Variants in ARHGEF4 observed in about 807,000 individuals in gnomAD.
ARHGEF4 encodes the protein APC-stimulated guanine nucleotide exchange factor 1.
A neutral mutation model predicts 162.0 loss-of-function variants in ARHGEF4; 119 were observed. The ratio of observed to expected loss-of-function variants is 0.73; its 90% confidence interval spans 0.63 to 0.86. The LOEUF is 0.86. ARHGEF4 is among the 40% of genes least tolerant of loss of function. The probability of loss-of-function intolerance (pLI) is 0.00; values close to 1 mark genes in which losing one functional copy is unlikely to be tolerated. For synonymous variants in ARHGEF4, 1,014 were observed against 979.9 expected (o/e 1.03, Z -0.65); for missense variants, 2,488 against 2,456.0 (o/e 1.01, Z -0.28).
chr2:130,923,516 A>G (rs185071781), intron 2 of ARHGEF4, among the ~76,000 whole-genome samples: 12 of 152,290 alleles, frequency 7.9e-5, no homozygotes, highest in African/African-American at 2.9e-4. Flanking sequence ...AAGTCGATAA[A>G]CTGAGCTCGC....
At chr2:130,900,199 T>G (rs1680405350) in intron 1 of ARHGEF4, among the ~76,000 whole-genome samples, 1 of 152,240 alleles carries the variant, frequency 6.6e-6, no homozygotes, top group Non-Finnish European at 1.5e-5. Flanking sequence ...TCTGCTGATG[T>G]TGAGTGGGCT....
At chr2:130,994,725 T>C (rs1446114243) in intron 4 of ARHGEF4, among the ~76,000 whole-genome samples, 1 of 152,232 alleles carries the variant, frequency 6.6e-6, no homozygotes, top group Non-Finnish European at 1.5e-5. Flanking sequence ...AGGAGATTGA[T>C]TCTTTCTGGA....
At chr2:130,855,235 A>G (rs1478029289) in intron 1 of ARHGEF4, among the ~76,000 whole-genome samples, 1 of 152,066 alleles carries the variant, frequency 6.6e-6, no homozygotes, top group Non-Finnish European at 1.5e-5. Context: ...GGTACTGCCA[A>G]AAACAGTGCA....
At chr2:131,018,572 T>G (rs929229012) in intron 4 of ARHGEF4, among the ~76,000 whole-genome samples, 2 of 152,234 alleles carry the variant, frequency 1.3e-5, no homozygotes, top group African/African-American at 4.8e-5. Flanking sequence ...CTTGATACTG[T>G]CCTTTAATGC....
At chr2:131,023,074 CA>C (rs56868632) in intron 4 of ARHGEF4, among the ~76,000 whole-genome samples, 2,170 of 66,526 alleles carry the variant, frequency 0.033, 80 homozygotes, top group African/African-American at 0.11. Context: ...AACCCTGTCT[CA>C]AAAAAAAAAA....
intron 1 of ARHGEF4, among the ~76,000 whole-genome samples, chr2:130,894,193 A>G (rs1680022737): frequency 6.6e-6 from 1 of 152,198 alleles, no homozygotes; most frequent in South Asian, 2.1e-4. Context: ...GACCTTAACT[A>G]AGTTTTCACT....
At chr2:130,978,061 G>T (rs1235728555) in intron 4 of ARHGEF4, among the ~76,000 whole-genome samples, 1 of 152,204 alleles carries the variant, frequency 6.6e-6, no homozygotes, top group Non-Finnish European at 1.5e-5. Flanking sequence ...GACACTTCCT[G>T]AGATCCCTTT....
intron 1 of ARHGEF4, among the ~76,000 whole-genome samples, chr2:130,908,865 A>G (rs1350033050): frequency 3.9e-5 from 6 of 152,204 alleles, no homozygotes; most frequent in Middle Eastern, 3.2e-3. Context: ...GTTTTTAAAC[A>G]TGGGCAAAAG....
At chr2:130,968,883 A>G (rs1685172814) in intron 4 of ARHGEF4, among the ~76,000 whole-genome samples, 1 of 152,170 alleles carries the variant, frequency 6.6e-6, no homozygotes, top group Non-Finnish European at 1.5e-5. Flanking sequence ...GCGCCACTGC[A>G]CTCCAGCCTG....
chr2:130,964,293 C>T (rs1684841295), intron 4 of ARHGEF4: 21 of 981,064 alleles, frequency 2.1e-5, no homozygotes, highest in Admixed American at 6.1e-5. Flanking sequence ...CCTCCGCGCC[C>T]GGGTCTGTGC....
Position 131,044,486 on chromosome 2 carries a change from G to A in ARHGEF4, c.5345G>A (p.Arg1782His), listed in dbSNP as rs759492761. 11 of 1,552,430 alleles carry A rather than the reference G, an allele frequency of 7.1e-6. No individual in the cohort carries two copies. Among genetic ancestry groups the A allele is most frequent in the African/African-American group, 1.4e-5 (1 of 73,170 alleles). The change falls in exon 12 of 14, where the codon CGC (arginine) becomes CAC (histidine). Residue 1782 changes from arginine to histidine, a missense_variant. Arg to His is a conservative substitution (Grantham distance 29). This residue lies in a region of ARHGEF4 where 415 missense variants were observed against 512.4 expected (regional missense o/e 0.81). Coordinates refer to ENST00000409359, the MANE Select transcript of ARHGEF4 (RefSeq NM_001367493.1). ...LCTRKPEQKQ[R>H]WLKAFARERE... ...ACCAGGAAGCCCGAGCAGAAGCAGC[G>A]CTGGCTCAAGGCCTTTGCCAGGGAG... is the stretch of plus-strand genomic sequence containing the variant.
At chr2:130,982,556 C>T (rs1469954102) in intron 4 of ARHGEF4, among the ~76,000 whole-genome samples, 6 of 151,320 alleles carry the variant, frequency 4.0e-5, no homozygotes, top group African/African-American at 7.3e-5. Context: ...CTTCTTTTTT[C>T]GCCTCCTCCT....
chr2:131,041,286 G>A lies in ARHGEF4; in HGVS notation c.4719G>A (p.Val1573=). The A allele has an allele frequency of 6.2e-7, 1 of 1,613,932 alleles. No homozygotes were observed. The highest frequency in any genetic ancestry group is 1.1e-5 in the South Asian group (1 of 91,084). Residue 1573 remains valine, a synonymous_variant, in exon 9 of 14, where the codon GTG becomes GTA. Coordinates refer to ENST00000409359, the MANE Select transcript of ARHGEF4 (RefSeq NM_001367493.1). ...GCAATAACCACCCCAACGCCTGCGT[G>A]GAGCTCTCCCGGCTCACCAAGCTCA... is the stretch of plus-strand genomic sequence containing the variant. ...EYCNNHPNAC[V]ELSRLTKLSK...
chr2:130,995,429 C>T (rs1410209306), intron 4 of ARHGEF4, among the ~76,000 whole-genome samples: 1 of 152,162 alleles, frequency 6.6e-6, no homozygotes, highest in Non-Finnish European at 1.5e-5. Flanking sequence ...CGTGAGCCCG[C>T]GAGTATATTA....
At chr2:130,948,911 CTTTCT>C (rs767128760) in intron 4 of ARHGEF4, among the ~76,000 whole-genome samples, 1 of 152,166 alleles carries the variant, frequency 6.6e-6, no homozygotes, top group East Asian at 1.9e-4. Context: ...CTTAGGAAAG[CTTTCT>C]TTTCTTTTCT....
rs1290019087 is a variant in ARHGEF4, at chr2:130,914,136, T to C, written c.190T>C (p.Ser64Pro). 4.6e-6 allele frequency: 7 copies of C among 1,536,108 alleles called. No homozygotes were observed. In the East Asian group the frequency reaches 1.7e-4, roughly 38 times the overall value. ...GCTGTCCCAGCAGAGTGAAAGTGGATCAGACACAAAAACTGACCCCTTTGA... is the reference window on the plus strand; with the variant it reads ...GCTGTCCCAGCAGAGTGAAAGTGGACCAGACACAAAAACTGACCCCTTTGA... Reference protein sequence around the residue: ...ETLSQQSESGSDTKTDPFESA... With the variant: ...ETLSQQSESGPDTKTDPFESA... The change falls in exon 2 of 14, where the codon TCA becomes CCA. Residue 64 changes from serine (S) to proline (P), a missense_variant. By Grantham distance (74) the Ser-to-Pro change is moderately conservative. Transcript: ENST00000409359.
At chr2:130,946,391 G>C in intron 3 of ARHGEF4, 118 bp from the exon 4 acceptor site, 5 of 1,245,372 alleles carry the variant, frequency 4.0e-6, no homozygotes, top group Non-Finnish European at 4.4e-6. Context: ...TGCATATTTT[G>C]GTTGTGTGCT....
chr2:130,897,914 A>G (rs896002608), intron 1 of ARHGEF4, among the ~76,000 whole-genome samples: 1 of 152,244 alleles, frequency 6.6e-6, no homozygotes, highest in Non-Finnish European at 1.5e-5. Context: ...AGATTGGCAA[A>G]TACCGGGCGA....
At chr2:130,922,911 T>C (rs1464824093) in intron 2 of ARHGEF4, among the ~76,000 whole-genome samples, 1 of 133,148 alleles carries the variant, frequency 7.5e-6, no homozygotes, top group African/African-American at 2.6e-5. Context: ...GCTTGTCTTT[T>C]CCCTCTTTAA....
Sources: gnomAD v4.1 joint callset for allele counts (sites outside exome capture counted in the v4.1 genomes callset) on GRCh38, gnomAD v4.1.1 for gene constraint, gnomAD v4.1.1 regional missense constraint, MANE v1.5 for transcripts, NCBI Gene and HGNC (gene_info 2026-07-23, HGNC 2026-07-21) for gene names.